ARMC2: variants seen among roughly 807,000 people sequenced by gnomAD.
ARMC2 encodes armadillo repeat-containing protein 2.
A neutral mutation model predicts 90.3 loss-of-function variants in ARMC2; 67 were observed. That is an observed-to-expected ratio of 0.74 (90% CI 0.61 to 0.91). The LOEUF (loss-of-function observed/expected upper bound fraction) is 0.91, where lower values mean the gene tolerates loss of function less well. Among genes scored for constraint, ARMC2 ranks in the 40% least tolerant of loss-of-function variants. The pLI is 0.00. For missense variants in ARMC2, 920 were observed against 1,030.9 expected (o/e 0.89, Z 1.47); for synonymous variants, 393 against 393.0 (o/e 1.00, Z 0.00).
chr6:108,980,137 C>T, the ARMC2 span, among the ~76,000 whole-genome samples: 1 of 152,044 alleles, frequency 6.6e-6, no homozygotes, highest in Admixed American at 6.6e-5. Context: ...ATTTACCTAC[C>T]TTTGGTCTTT....
At chr6:109,032,509 T>C in the ARMC2 span, among the ~76,000 whole-genome samples, 5 of 150,172 alleles carry the variant, frequency 3.3e-5, no homozygotes, top group East Asian at 3.9e-4. Context: ...TCCCAGCTAT[T>C]GGGGAGGCTG....
intron 13 of ARMC2, among the ~76,000 whole-genome samples, chr6:108,959,759 C>T (rs1002550224): frequency 3.3e-5 from 5 of 152,052 alleles, no homozygotes; most frequent in African/African-American, 1.2e-4. Context: ...AATCTTGGCT[C>T]ACTGCAACCT....
At position 108,964,906 on chromosome 6, in the gene ARMC2, A is replaced by G. The variant is rs1778257195; in HGVS notation, c.2286-74A>G. The G allele has an allele frequency of 1.2e-5, 13 of 1,122,026 alleles. No homozygotes were observed. The East Asian group carries it at 3.1e-4, about 27-fold the overall frequency. 69.5% of individuals were successfully genotyped at this position (1,122,026 alleles called of 1,614,324 possible). On this transcript the variant is annotated intron_variant, in intron 16 of 17. Transcript: ENST00000392644. Reference sequence around the variant, plus strand: ...ACTTACATATCACAGAAGGATAATCATTATGCTAACAATATTAAAATTAAA... The same window carrying G: ...ACTTACATATCACAGAAGGATAATCGTTATGCTAACAATATTAAAATTAAA...
At chr6:108,935,829 G>A (rs963119696) in intron 11 of ARMC2, among the ~76,000 whole-genome samples, 1 of 151,900 alleles carries the variant, frequency 6.6e-6, no homozygotes, top group African/African-American at 2.4e-5. Flanking sequence ...TGACCTATAA[G>A]TTAGGTGTTC....
At chr6:109,028,428 G>A in the ARMC2 span, among the ~76,000 whole-genome samples, 1 of 152,030 alleles carries the variant, frequency 6.6e-6, no homozygotes, top group Non-Finnish European at 1.5e-5. Flanking sequence ...TGTTATCACA[G>A]GGACCAAATT....
chr6:108,936,619 A>T (rs1775981198), intron 11 of ARMC2, among the ~76,000 whole-genome samples: 1 of 152,186 alleles, frequency 6.6e-6, no homozygotes, highest in Non-Finnish European at 1.5e-5. Flanking sequence ...ATCCAACCAG[A>T]TTTCATATAA....
chr6:108,987,573 G>A, the ARMC2 span: 2 of 1,604,406 alleles, frequency 1.2e-6, no homozygotes, highest in Admixed American at 3.3e-5. Flanking sequence ...ATGGCTCTCA[G>A]AGCATAAAGG....
At chr6:108,989,910 G>A in the ARMC2 span, among the ~76,000 whole-genome samples, 1 of 152,174 alleles carries the variant, frequency 6.6e-6, no homozygotes, top group Non-Finnish European at 1.5e-5. Context: ...TACCACCATT[G>A]AGGAGGCTAA....
At chr6:108,969,475 G>T (rs769297733) in intron 17 of ARMC2, among the ~76,000 whole-genome samples, 1 of 152,192 alleles carries the variant, frequency 6.6e-6, no homozygotes, top group Non-Finnish European at 1.5e-5. Flanking sequence ...GAAGCATGCT[G>T]TGCCTAAAGA....
the ARMC2 span, among the ~76,000 whole-genome samples, chr6:108,990,073 A>G: frequency 6.6e-6 from 1 of 152,240 alleles, no homozygotes; most frequent in African/African-American, 2.4e-5. Context: ...CAGCAAAAAT[A>G]GTTAACTAGT....
At chr6:108,983,376 C>T in the ARMC2 span, among the ~76,000 whole-genome samples, 3 of 152,100 alleles carry the variant, frequency 2.0e-5, no homozygotes, top group Non-Finnish European at 4.4e-5. Context: ...AAACTTTCCC[C>T]GTGTTTTCAT....
chr6:109,037,780 C>T, the ARMC2 span, among the ~76,000 whole-genome samples: 1 of 151,268 alleles, frequency 6.6e-6, no homozygotes, highest in Non-Finnish European at 1.5e-5. Flanking sequence ...ATTTCAGAAG[C>T]GCTATTATAA....
intron 4 of ARMC2, among the ~76,000 whole-genome samples, chr6:108,872,395 C>G (rs890703537): frequency 6.6e-6 from 1 of 151,964 alleles, no homozygotes; most frequent in Non-Finnish European, 1.5e-5. Flanking sequence ...CTGTCACACT[C>G]TCCGTCACCA....
chr6:109,001,539 G>A, the ARMC2 span: 2 of 1,519,696 alleles, frequency 1.3e-6, no homozygotes, highest in Non-Finnish European at 1.8e-6. Flanking sequence ...TTGGTGTTAA[G>A]GGAAGAAAAT....
At chr6:109,039,642 A>T in the ARMC2 span, among the ~76,000 whole-genome samples, 1 of 152,246 alleles carries the variant, frequency 6.6e-6, no homozygotes, top group Non-Finnish European at 1.5e-5. Flanking sequence ...AAACCAAAAT[A>T]TATAGATGAT....
At chr6:108,931,965 A>G (rs575893199) in intron 11 of ARMC2, among the ~76,000 whole-genome samples, 5 of 151,732 alleles carry the variant, frequency 3.3e-5, no homozygotes, top group African/African-American at 9.7e-5. Context: ...GGGTTTCTCC[A>G]TGTTGGTCAG....
the ARMC2 span, chr6:109,002,367 T>A: frequency 6.2e-7 from 1 of 1,601,832 alleles, no homozygotes. Flanking sequence ...TTACACCATC[T>A]CAGGCCTTTG....
intron 3 of ARMC2, among the ~76,000 whole-genome samples, chr6:108,862,479 G>T (rs751734000): frequency 6.6e-6 from 1 of 152,050 alleles, no homozygotes; most frequent in Non-Finnish European, 1.5e-5. Context: ...TTATGTGAGG[G>T]TCTTAAGTAC....
In ARMC2 at chr6:108,964,205, G is replaced by A. The variant is rs755814299; in HGVS notation, c.2178G>A (p.Leu726=). ...NNVHRFMMAL[L]DAQHQDICFS... ...TCCACAGGTTCATGATGGCGCTGCT[G>A]GATGCTCAGCATCAGGATATCTGCT... Residue 726 remains leucine (L), a synonymous_variant, in exon 16 of 18, where the codon CTG becomes CTA. Transcript: ENST00000392644. The A allele has an allele frequency of 3.7e-5, 60 of 1,613,816 alleles. No individual in the cohort carries two copies. Among genetic ancestry groups the A allele is most frequent in the Admixed American group, 1.5e-4 (9 of 59,994 alleles).
Sources: allele counts gnomAD v4.1 joint callset (sites outside exome capture counted in the v4.1 genomes callset), GRCh38; gene constraint gnomAD v4.1.1; transcripts MANE v1.5; gene names NCBI Gene and HGNC (gene_info 2026-07-23, HGNC 2026-07-21).